The following PTK2B variants were observed in gnomAD, a reference collection of about 807,000 sequenced individuals.
PTK2B encodes the protein protein tyrosine kinase 2 beta, also known as protein-tyrosine kinase 2-beta.
PTK2B carries 71 observed loss-of-function variants against 142.9 expected under a neutral mutation model. That is an observed-to-expected ratio of 0.50 (90% CI 0.41 to 0.61). PTK2B has a LOEUF of 0.61. Among genes scored for constraint, PTK2B ranks in the 20% least tolerant of loss-of-function variants. The probability of loss-of-function intolerance (pLI) is 0.00; values close to 1 mark genes in which losing one functional copy is unlikely to be tolerated. For synonymous variants in PTK2B, 519 were observed against 503.4 expected (o/e 1.03, Z -0.42); for missense variants, 1,105 against 1,320.4 (o/e 0.84, Z 2.53).
At chr8:27,436,109 C>A in intron 14 of PTK2B, 142 bp from the exon 15 acceptor site, 3 of 813,972 alleles carry the variant, frequency 3.7e-6, no homozygotes, top group Non-Finnish European at 6.1e-6. Flanking sequence ...TCTAGACCCC[C>A]ATTTCCCCAG....
chr8:27,318,531 C>T (rs1004412892), intron 3 of PTK2B, among the ~76,000 whole-genome samples: 2 of 152,194 alleles, frequency 1.3e-5, no homozygotes, highest in African/African-American at 4.8e-5. Context: ...GCCTGCAGGC[C>T]AGCCCTGCAG....
chr8:27,322,374 A>G (rs1360066872), upstream of PTK2B: 1 of 152,126 alleles, frequency 6.6e-6, no homozygotes, highest in African/African-American at 2.4e-5. Context: ...TACCTTATCC[A>G]AGCTTCCTTT....
At chr8:27,403,871 TC>T in intron 2 of PTK2B, among the ~76,000 whole-genome samples, 1 of 151,948 alleles carries the variant, frequency 6.6e-6, no homozygotes, top group Non-Finnish European at 1.5e-5. Context: ...TTCTTCTTTC[TC>T]CCTTCTTTCT....
intron 1 of PTK2B, among the ~76,000 whole-genome samples, chr8:27,385,149 C>T (rs1408135605): frequency 1.3e-5 from 2 of 152,156 alleles, no homozygotes; most frequent in Non-Finnish European, 2.9e-5. Flanking sequence ...TGGTACCTAG[C>T]TTTTGGGTTT....
At chr8:27,312,945 C>A (rs1274551625) in intron 2 of PTK2B, among the ~76,000 whole-genome samples, 1 of 152,182 alleles carries the variant, frequency 6.6e-6, no homozygotes, top group African/African-American at 2.4e-5. Context: ...TCTGCAGCAA[C>A]CTCAATTCTT....
At chr8:27,458,256 T>C in intron 30 of PTK2B, 38 bp from the exon 31 acceptor site, 1 of 1,588,584 alleles carries the variant, frequency 6.3e-7, no homozygotes, top group Non-Finnish European at 8.6e-7. Flanking sequence ...GCACAGACTT[T>C]GTGGCCTCTC....
At chr8:27,438,784 A>G (rs1369504998) in intron 18 of PTK2B, among the ~76,000 whole-genome samples, 2 of 152,080 alleles carry the variant, frequency 1.3e-5, no homozygotes, top group Non-Finnish European at 2.9e-5. Context: ...AGCAAGAGGG[A>G]AGGAGATGGC....
At chr8:27,403,660 T>G (rs1350598500) in intron 2 of PTK2B, among the ~76,000 whole-genome samples, 1 of 152,164 alleles carries the variant, frequency 6.6e-6, no homozygotes, top group African/African-American at 2.4e-5. Context: ...CTAATTTGCT[T>G]GTCTGGGAAA....
At chr8:27,373,958 T>G (rs987270507) in intron 1 of PTK2B, among the ~76,000 whole-genome samples, 13 of 151,574 alleles carry the variant, frequency 8.6e-5, no homozygotes, top group African/African-American at 1.2e-4. Context: ...TGAAGAGACA[T>G]TGCAAGGAGG....
At chr8:27,360,570 G>A (rs527274355) in intron 1 of PTK2B, among the ~76,000 whole-genome samples, 2 of 152,034 alleles carry the variant, frequency 1.3e-5, no homozygotes, top group Admixed American at 1.3e-4. Context: ...AATGTGACTT[G>A]TGAGCTAGCT....
chr8:27,414,454 A>G (rs1014407416), intron 2 of PTK2B, among the ~76,000 whole-genome samples: 14 of 151,958 alleles, frequency 9.2e-5, no homozygotes, highest in African/African-American at 2.7e-4. Context: ...CACCATGTTA[A>G]TCAGGATGGT....
intron 8 of PTK2B, 62 bp from the exon 9 acceptor site, chr8:27,431,336 C>T: frequency 6.2e-7 from 1 of 1,611,868 alleles, no homozygotes; most frequent in South Asian, 1.1e-5. Context: ...AGCTTTTCTT[C>T]AAGTTTCTGA....
rs1478570052 is a variant in PTK2B at position 27,363,571 on chromosome 8, TCTGA to T, written c.-37-33973_-37-33970del. The stretch of plus-strand genomic sequence containing the variant: ...ATGGTCTGGGATGCAGGGAATGGAC[TCTGA>T]CTGCTCTTGCTGCTCTGAGCCTCTT... On this transcript the variant is annotated intron_variant, in intron 1 of 30. Transcript: ENST00000346049. This position sits in a 1 kb window ranked among gnomAD's most constrained non-coding sequence, Gnocchi z 4.3. Among the ~76,000 whole-genome samples, 3 of 152,152 alleles carry T rather than the reference TCTGA, an allele frequency of 2.0e-5. No individual in the cohort carries two copies. Among genetic ancestry groups the T allele is most frequent in the Non-Finnish European group, 4.4e-5 (3 of 68,012 alleles).
At position 27,351,214 on chromosome 8, in the gene PTK2B, A is replaced by G. The variant is rs2130510248; in HGVS notation, c.-38+25533A>G. 1.3e-5 allele frequency among the ~76,000 whole-genome samples: 2 copies of G among 149,494 alleles called. 1 individual carries two copies. Among genetic ancestry groups the G allele is most frequent in the African/African-American group, 4.9e-5 (2 of 40,422 alleles). On this transcript the variant is annotated intron_variant, in intron 1 of 30. Transcript: ENST00000346049. ...GCAAGACCCTGTCTCTAAAAATGAA[A>G]TATATATATATTTCACAAGGAGCAG...
rs1314690092 is a variant in PTK2B at position 27,317,299 on chromosome 8, T to C, written c.-414+4012T>C. ...TGATTGATTTGAGCTAATCAGAATT[T>C]ACCTGAATCATGTGATGAAGGTGAT... On this transcript the variant is annotated intron_variant, in intron 3 of 35. Coordinates refer to the PTK2B transcript ENST00000397501. Among the ~76,000 whole-genome samples, 6 of 152,234 alleles carry C rather than the reference T, an allele frequency of 3.9e-5. No individual in the cohort carries two copies. The East Asian group carries it at 1.2e-3, about 29-fold the overall frequency.
chr8:27,312,856 C>G (rs1586064993), intron 2 of PTK2B, among the ~76,000 whole-genome samples: 1 of 152,258 alleles, frequency 6.6e-6, no homozygotes, highest in East Asian at 1.9e-4. Context: ...GCCATAAGAG[C>G]CCGATTCCAG....
chr8:27,433,030 T>C (rs1158008565), intron 10 of PTK2B, among the ~76,000 whole-genome samples: 2 of 152,186 alleles, frequency 1.3e-5, no homozygotes, highest in Admixed American at 6.5e-5. Context: ...TTTCACCATG[T>C]TGGCCAGGCT....
intron 1 of PTK2B, among the ~76,000 whole-genome samples, chr8:27,379,281 G>A (rs949199162): frequency 2.0e-5 from 3 of 152,172 alleles, no homozygotes; most frequent in Non-Finnish European, 4.4e-5. Flanking sequence ...TCATTCTGTC[G>A]CCCAGGCTGG....
intron 1 of PTK2B, among the ~76,000 whole-genome samples, chr8:27,383,080 A>G (rs1201876672): frequency 1.3e-5 from 2 of 152,244 alleles, no homozygotes; most frequent in Admixed American, 1.3e-4. Flanking sequence ...CTTTTCTATC[A>G]TATTTCTGTG....
Sources: allele counts gnomAD v4.1 joint callset (sites outside exome capture counted in the v4.1 genomes callset), GRCh38; gene constraint gnomAD v4.1.1; non-coding constraint Gnocchi (gnomAD v3.1); transcripts MANE v1.5; gene names NCBI Gene and HGNC (gene_info 2026-07-23, HGNC 2026-07-21).